The following ICA1 variants were observed in gnomAD, a reference collection of about 807,000 sequenced individuals.
ICA1 encodes the protein 69 kDa islet cell autoantigen.
Under a neutral mutation model 71.0 loss-of-function variants are expected in ICA1, and 40 were observed. The ratio of observed to expected loss-of-function variants is 0.56; its 90% CI spans 0.44 to 0.73. The LOEUF is 0.73. ICA1 is among the 30% of genes least tolerant of loss of function. The pLI, the probability that ICA1 is intolerant of heterozygous loss-of-function variation, is 0.00. For missense variants in ICA1, 578 were observed against 576.5 expected (o/e 1.00, Z -0.03); for synonymous variants, 207 against 209.5 (o/e 0.99, Z 0.10).
Position 8,127,874 on chromosome 7 carries a change from T to C in ICA1, c.1329A>G (p.Gln443=), listed in dbSNP as rs754440038. The C allele has an allele frequency of 2.9e-5, 47 of 1,611,670 alleles. No homozygotes were observed. The East Asian group carries it at 9.6e-4, about 33-fold the overall frequency. The change falls in exon 13 of 14, where the codon CAA becomes CAG. Residue 443 remains glutamine (Q), a splice_region_variant and synonymous_variant. Coordinates refer to ENST00000402384, the MANE Select transcript of ICA1 (RefSeq NM_001136020.3). ...QNMKDLQASL[Q]EPAKAASDLT... is the part of the protein sequence containing the mutation. The stretch of plus-strand genomic sequence containing the variant: ...CATTTCAATCCCCACCTTACCTACC[T>C]TGTAGCGAGGCCTGTAAGTCTTTCA...
chr7:8,250,975 A>AC (rs34978617), intron 1 of ICA1, among the ~76,000 whole-genome samples: 70,042 of 151,834 alleles, frequency 0.46, 18,913 homozygotes, highest in African/African-American at 0.76. Flanking sequence ...ATTACAGCTC[A>AC]TGCAGCCTTG....
chr7:8,221,602 A>C (rs1056161871), intron 4 of ICA1, among the ~76,000 whole-genome samples: 2 of 152,200 alleles, frequency 1.3e-5, no homozygotes, highest in Admixed American at 1.3e-4. Flanking sequence ...CGAGAGATCA[A>C]ATTCACTTGA....
At position 8,132,409 on chromosome 7, in the gene ICA1, T is replaced by C. The variant is rs2128091094; in HGVS notation, c.1061-4267A>G. ...ACACTTTCAAGTTACTGTTCTGGTT[T>C]CTTCTTCCTTCCACAACCACATACT... On this transcript the variant is annotated intron_variant, in intron 12 of 13. Coordinates refer to ENST00000402384, the MANE Select transcript of ICA1 (RefSeq NM_001136020.3). This position sits in a 1 kb window ranked among gnomAD's most constrained non-coding sequence, Gnocchi z 4.5. Among the ~76,000 whole-genome samples, 1 of 152,304 alleles carries C rather than the reference T, an allele frequency of 6.6e-6. No individual in the cohort carries two copies. The highest frequency in any genetic ancestry group is 1.9e-4 in the East Asian group (1 of 5,186).
intron 13 of ICA1, among the ~76,000 whole-genome samples, chr7:8,118,026 G>A (rs1300885601): frequency 1.3e-5 from 2 of 152,030 alleles, no homozygotes; most frequent in Non-Finnish European, 2.9e-5. Context: ...CTACACAATG[G>A]GTGTTCAAAT....
intron 9 of ICA1, among the ~76,000 whole-genome samples, 197 bp downstream of exon 9, chr7:8,143,678 C>T (rs1033861073): frequency 1.3e-5 from 2 of 152,178 alleles, no homozygotes; most frequent in Admixed American, 1.3e-4. Context: ...AAACCGATCT[C>T]TTACTGGGAT....
intron 13 of ICA1, among the ~76,000 whole-genome samples, chr7:8,122,793 G>A (rs1474866216): frequency 2.0e-5 from 3 of 152,242 alleles, no homozygotes; most frequent in African/African-American, 4.8e-5. Flanking sequence ...AAAGAATACC[G>A]TGAAGGAACA....
rs201360539 is a variant in ICA1 at position 8,156,938 on chromosome 7, AAAAAAAAAAAAAAAAAG to A, written c.804+161_804+177del. The A allele has an allele frequency of 9.7e-3, 7,196 of 742,348 alleles. 25 individuals are homozygous for A. The East Asian group carries it at 0.21, about 22-fold the overall frequency. The allele number at this position is 742,348 out of a possible 1,614,324, so 46.0% of individuals were successfully genotyped here. A position where few individuals can be genotyped will look rare whatever the true frequency, so the allele number is the denominator to read the frequency against. On this transcript the variant is annotated intron_variant, in intron 8 of 13. Transcript: ENST00000402384. ...TTGAATCCTGATGCAGTAAAAAAAA[AAAAAAAAAAAAAAAAAG>A]AAAGAAAGAAAGAAAGAAAAAGACT...
intron 8 of ICA1, among the ~76,000 whole-genome samples, chr7:8,149,465 G>C (rs1297510974): frequency 6.6e-6 from 1 of 152,234 alleles, no homozygotes; most frequent in Admixed American, 6.5e-5. Context: ...CAGCGTGACA[G>C]AGGAAACTCG....
intron 8 of ICA1, among the ~76,000 whole-genome samples, chr7:8,147,345 A>G (rs1312509394): frequency 6.6e-6 from 1 of 152,236 alleles, no homozygotes; most frequent in Non-Finnish European, 1.5e-5. Flanking sequence ...CTGTCACCAC[A>G]ATCACAGTTA....
At chr7:8,169,901 A>AGTGCGTGT (rs1807627474) in intron 6 of ICA1, among the ~76,000 whole-genome samples, 1 of 147,086 alleles carries the variant, frequency 6.8e-6, no homozygotes, top group African/African-American at 2.5e-5. Flanking sequence ...TTAATGCCTG[A>AGTGCGTGT]GTGTGTGTGT....
At chr7:8,156,452 A>G (rs766334009) in intron 8 of ICA1, 16 of 154,900 alleles carry the variant, frequency 1.0e-4, no homozygotes, top group Non-Finnish European at 2.0e-4. Flanking sequence ...AACCAAAATC[A>G]CTTCTTTATC....
chr7:8,216,303 G>A (rs1456885307), intron 6 of ICA1, among the ~76,000 whole-genome samples: 1 of 152,096 alleles, frequency 6.6e-6, no homozygotes, highest in African/African-American at 2.4e-5. Flanking sequence ...GGAGAGTCTG[G>A]TCTAATCAAA....
At chr7:8,147,244 C>G (rs1797349174) in intron 8 of ICA1, among the ~76,000 whole-genome samples, 1 of 152,100 alleles carries the variant, frequency 6.6e-6, no homozygotes, top group Admixed American at 6.5e-5. Context: ...GAGCAGCTCT[C>G]AGACAATCCT....
intron 12 of ICA1, among the ~76,000 whole-genome samples, chr7:8,137,708 T>C (rs1344331252): frequency 6.6e-6 from 1 of 152,234 alleles, no homozygotes; most frequent in Non-Finnish European, 1.5e-5. Context: ...TACTGCATAG[T>C]ATGCTACCTG....
intron 1 of ICA1, among the ~76,000 whole-genome samples, chr7:8,248,523 G>A (rs185670633): frequency 2.2e-4 from 33 of 152,134 alleles, no homozygotes; most frequent in Admixed American, 4.6e-4. Context: ...TCAGAAGTTC[G>A]AGACCAGACG....
At chr7:8,155,376 G>C (rs999628291) in intron 8 of ICA1, among the ~76,000 whole-genome samples, 4 of 152,154 alleles carry the variant, frequency 2.6e-5, no homozygotes, top group Non-Finnish European at 5.9e-5. Flanking sequence ...AACATAATCA[G>C]CTTGATCCTC....
intron 6 of ICA1, among the ~76,000 whole-genome samples, chr7:8,185,479 A>G (rs1178126626): frequency 6.6e-6 from 1 of 152,226 alleles, no homozygotes; most frequent in East Asian, 1.9e-4. Context: ...CAACATCAGC[A>G]TCACCTGGGA....
At position 8,129,376 on chromosome 7, in the gene ICA1, TAAAA is replaced by T. The variant is rs1166692977; in HGVS notation, c.1061-1238_1061-1235del. ...AATTAGTAAGTAAAGGCTTTTTTTTTAAAAAAAAAAAAGTTCTCTGTGTTGGCTT... is the reference window on the plus strand; with the variant it reads ...AATTAGTAAGTAAAGGCTTTTTTTTTAAAAAAAAGTTCTCTGTGTTGGCTT... On this transcript the variant is annotated intron_variant, in intron 12 of 13. Coordinates refer to ENST00000402384, the MANE Select transcript of ICA1 (RefSeq NM_001136020.3). Among the ~76,000 whole-genome samples, 874 of 142,144 alleles carry T rather than the reference TAAAA, an allele frequency of 6.1e-3. 6 individuals carry two copies. The highest frequency in any genetic ancestry group is 0.018 in the African/African-American group (674 of 37,414). The allele number at this position is 142,144 out of a possible 152,430, so 93.3% of individuals were successfully genotyped here. A position where few individuals can be genotyped will look rare whatever the true frequency, so the allele number is the denominator to read the frequency against.
At position 8,130,261 on chromosome 7, in the gene ICA1, A is replaced by G. The variant is rs1021408358; in HGVS notation, c.1061-2119T>C. Reference sequence around the variant, plus strand: ...ATGGTATTTCGACAGTGTGATATTAACAGGGTAGTTCAGGAACCACTTGAG... The same window carrying G: ...ATGGTATTTCGACAGTGTGATATTAGCAGGGTAGTTCAGGAACCACTTGAG... On this transcript the variant is annotated intron_variant, in intron 12 of 13. Coordinates refer to ENST00000402384, the MANE Select transcript of ICA1 (RefSeq NM_001136020.3). This position sits in a 1 kb window ranked among gnomAD's most constrained non-coding sequence, Gnocchi z 4.2. Among the ~76,000 whole-genome samples, 2 of 152,192 alleles carry G rather than the reference A, an allele frequency of 1.3e-5. No homozygotes were observed. The highest frequency in any genetic ancestry group is 4.8e-5 in the African/African-American group (2 of 41,458).
Sources: allele counts gnomAD v4.1 joint callset (sites outside exome capture counted in the v4.1 genomes callset), GRCh38; gene constraint gnomAD v4.1.1; non-coding constraint Gnocchi (gnomAD v3.1); transcripts MANE v1.5; gene names NCBI Gene and HGNC (gene_info 2026-07-23, HGNC 2026-07-21).